Variants in GRID2 observed in about 807,000 individuals in gnomAD.
GRID2 encodes glutamate ionotropic receptor delta type subunit 2.
Under a neutral mutation model 114.8 loss-of-function variants are expected in GRID2, and 33 were observed. That is an observed-to-expected ratio of 0.29 (90% CI 0.22 to 0.38). The LOEUF is 0.38. Ranked by LOEUF, GRID2 falls within the 10% of genes least tolerant of loss-of-function variation. The probability of loss-of-function intolerance (pLI) is 1.00; values close to 1 mark genes in which losing one functional copy is unlikely to be tolerated. For missense variants in GRID2, 1,184 were observed against 1,257.7 expected (o/e 0.94, Z 0.89); for synonymous variants, 505 against 449.9 (o/e 1.12, Z -1.55).
chr4:93,648,237 GA>G (rs568635194), intron 14 of GRID2, among the ~76,000 whole-genome samples: 70 of 152,284 alleles, frequency 4.6e-4, no homozygotes, highest in Non-Finnish European at 7.2e-4. Flanking sequence ...CAAGAAGTCT[GA>G]AAACTGTGGA....
At chr4:93,511,779 CTT>C (rs1157223214) in intron 12 of GRID2, among the ~76,000 whole-genome samples, 53 of 137,486 alleles carry the variant, frequency 3.9e-4, no homozygotes, top group Middle Eastern at 4.0e-3. Flanking sequence ...ATTCCTTCTT[CTT>C]TTTTTTTTTT....
At chr4:93,309,417 C>G (rs2149183856) in intron 8 of GRID2, among the ~76,000 whole-genome samples, 1 of 152,098 alleles carries the variant, frequency 6.6e-6, no homozygotes, top group Non-Finnish European at 1.5e-5. Flanking sequence ...GCCTGTAGAC[C>G]CAGCTACTCA....
intron 2 of GRID2, among the ~76,000 whole-genome samples, chr4:92,720,344 T>C (rs1161951708): frequency 6.6e-6 from 1 of 152,076 alleles, no homozygotes; most frequent in Non-Finnish European, 1.5e-5. Context: ...TTTTAAAATA[T>C]GTGATTGTTA....
intron 2 of GRID2, among the ~76,000 whole-genome samples, chr4:92,635,136 T>G (rs1731006049): frequency 6.6e-6 from 1 of 152,072 alleles, no homozygotes; most frequent in African/African-American, 2.4e-5. Context: ...AGCCAAAGTT[T>G]CCAGACATAA....
At chr4:93,252,751 G>A (rs546928186) in intron 8 of GRID2, among the ~76,000 whole-genome samples, 76 of 152,062 alleles carry the variant, frequency 5.0e-4, no homozygotes, top group African/African-American at 1.8e-3. Flanking sequence ...CTTGAGCAGC[G>A]TTTTGTAGCC....
chr4:93,160,724 T>C (rs1737613667), intron 4 of GRID2, among the ~76,000 whole-genome samples: 1 of 151,784 alleles, frequency 6.6e-6, no homozygotes, highest in South Asian at 2.1e-4. Context: ...GGCATTTCTC[T>C]AATAGAGCTG....
At chr4:93,491,111 A>G (rs1726961520) in intron 12 of GRID2, among the ~76,000 whole-genome samples, 1 of 151,986 alleles carries the variant, frequency 6.6e-6, no homozygotes, top group South Asian at 2.1e-4. Flanking sequence ...AAAAAGAGTC[A>G]TACTTAAAAG....
At chr4:92,361,534 C>G (rs79209074) in intron 1 of GRID2, among the ~76,000 whole-genome samples, 1 of 151,752 alleles carries the variant, frequency 6.6e-6, no homozygotes, top group Non-Finnish European at 1.5e-5. Flanking sequence ...TTTTTAGGAT[C>G]CAGGTGTTCA....
chr4:93,337,477 C>G (rs138329752), intron 8 of GRID2, among the ~76,000 whole-genome samples: 2 of 152,140 alleles, frequency 1.3e-5, no homozygotes, highest in Admixed American at 6.6e-5. Flanking sequence ...GCTGAGGAAC[C>G]CCAGCCTTAG....
intron 1 of GRID2, among the ~76,000 whole-genome samples, chr4:92,548,717 A>G (rs1244394339): frequency 6.6e-6 from 1 of 152,022 alleles, no homozygotes; most frequent in Non-Finnish European, 1.5e-5. Flanking sequence ...TCTAAAGAAA[A>G]GAAGTTTAAT....
At chr4:92,822,115 G>C (rs890845678) in intron 2 of GRID2, 1 of 331,452 alleles carries the variant, frequency 3.0e-6, no homozygotes, top group African/African-American at 2.2e-5. Flanking sequence ...ATAACTTCTT[G>C]CTTAATTTCT....
At chr4:92,546,772 A>G (rs1726284348) in intron 1 of GRID2, among the ~76,000 whole-genome samples, 1 of 152,236 alleles carries the variant, frequency 6.6e-6, no homozygotes, top group Non-Finnish European at 1.5e-5. Flanking sequence ...ATTATGATAT[A>G]TACTGCCTAC....
chr4:92,568,556 AT>A (rs1254320641), intron 1 of GRID2, among the ~76,000 whole-genome samples: 1 of 152,060 alleles, frequency 6.6e-6, no homozygotes, highest in African/African-American at 2.4e-5. Context: ...GCAAAATTTC[AT>A]TAAAAAATAT....
At chr4:93,600,606 T>A (rs1363146900) in intron 13 of GRID2, among the ~76,000 whole-genome samples, 1 of 152,142 alleles carries the variant, frequency 6.6e-6, no homozygotes, top group Non-Finnish European at 1.5e-5. Flanking sequence ...AGAACTTACA[T>A]ATATTGATGA....
At chr4:92,906,706 C>T (rs2149486515) in intron 2 of GRID2, among the ~76,000 whole-genome samples, 1 of 152,224 alleles carries the variant, frequency 6.6e-6, no homozygotes, top group South Asian at 2.1e-4. Flanking sequence ...GCAACCTCCA[C>T]CTCCTGGGTT....
intron 3 of GRID2, among the ~76,000 whole-genome samples, chr4:93,094,869 T>C (rs1731068310): frequency 6.6e-6 from 1 of 151,846 alleles, no homozygotes; most frequent in East Asian, 1.9e-4. Context: ...CATAAGTAAC[T>C]ACAAATAAAT....
intron 1 of GRID2, among the ~76,000 whole-genome samples, chr4:92,360,112 T>C (rs1728540580): frequency 6.6e-6 from 1 of 152,016 alleles, no homozygotes; most frequent in Non-Finnish European, 1.5e-5. Flanking sequence ...GAGAAATATT[T>C]AATTAAGCAG....
intron 1 of GRID2, among the ~76,000 whole-genome samples, chr4:92,363,969 G>A (rs551957739): frequency 1.1e-4 from 16 of 151,620 alleles, no homozygotes; most frequent in African/African-American, 3.9e-4. Context: ...ACAGGCACCC[G>A]CCACTATGCC....
intron 4 of GRID2, among the ~76,000 whole-genome samples, chr4:93,152,340 G>T (rs529525544): frequency 1.1e-4 from 16 of 152,178 alleles, no homozygotes; most frequent in Admixed American, 7.2e-4. Flanking sequence ...AATAAAAAGG[G>T]AGAAACCTAC....
Sources: allele counts gnomAD v4.1 joint callset (sites outside exome capture counted in the v4.1 genomes callset), GRCh38; gene constraint gnomAD v4.1.1; transcripts MANE v1.5; gene names NCBI Gene and HGNC (gene_info 2026-07-23, HGNC 2026-07-21).